PRDM16: variants seen among roughly 807,000 people sequenced by gnomAD.
PRDM16 encodes histone-lysine N-methyltransferase PRDM16.
PRDM16 carries 23 observed loss-of-function variants against 110.6 expected under a neutral mutation model. That is an observed-to-expected ratio of 0.21 (90% confidence interval 0.15 to 0.29). PRDM16 has a LOEUF of 0.29. PRDM16 is among the 10% of genes least tolerant of loss of function. The pLI, the probability that PRDM16 is intolerant of heterozygous loss-of-function variation, is 1.00. For missense variants in PRDM16, 1,615 were observed against 1,794.3 expected, an observed-to-expected ratio of 0.90 and a Z score of 1.81; for synonymous variants, 799 against 781.8, an observed-to-expected ratio of 1.02 and a Z score of -0.37.
At chr1:3,421,933 CAGACAGACAGGCAGGCGGACAGACAGGA>C (rs1365159946) in intron 12 of PRDM16, among the ~76,000 whole-genome samples, 6 of 53,464 alleles carry the variant, frequency 1.1e-4, no homozygotes, top group Admixed American at 5.9e-4. Flanking sequence ...GACAGGCAGG[CAGACAGACAGGCAGGCGGACAGACAGGA>C]AGACAGACAG....
intron 3 of PRDM16, among the ~76,000 whole-genome samples, chr1:3,332,303 C>T (rs1340304329): frequency 1.3e-5 from 2 of 151,976 alleles, no homozygotes; most frequent in Non-Finnish European, 2.9e-5. Context: ...AATTGTTTCT[C>T]ATACGTTTCA....
At chr1:3,142,282 T>C (rs1367816417) in intron 1 of PRDM16, among the ~76,000 whole-genome samples, 1 of 152,224 alleles carries the variant, frequency 6.6e-6, no homozygotes, top group Non-Finnish European at 1.5e-5. Context: ...TGGAGCAGAT[T>C]TGCAAAATCG....
At chr1:3,423,346 G>A (rs184655268) in intron 12 of PRDM16, among the ~76,000 whole-genome samples, 22 of 152,312 alleles carry the variant, frequency 1.4e-4, no homozygotes, top group African/African-American at 4.3e-4. Context: ...TCCTGGGCCC[G>A]GCAGCAGCAC....
chr1:3,396,723 C>T, intron 5 of PRDM16, 130 bp downstream of exon 5: 1 of 594,794 alleles, frequency 1.7e-6, no homozygotes, highest in East Asian at 2.8e-5. Flanking sequence ...CAGGCGGCCC[C>T]CAAGTGCTAG....
In PRDM16 at chr1:3,081,168, T is replaced by C. The variant is rs2100577691; in HGVS notation, c.37+11872T>C. On this transcript the variant is annotated intron_variant, in intron 1 of 16. Coordinates refer to ENST00000270722, the MANE Select transcript of PRDM16 (RefSeq NM_022114.4). The surrounding 1 kb of genome is among the most constrained non-coding windows in gnomAD (Gnocchi z 4.6). ...GGTGTTAGTCTTACCTTCCCGAGGT[T>C]AGATAAAGCCGCTAAAAGCTGCTGT... Among the ~76,000 whole-genome samples, 1 of 152,310 alleles carries C rather than the reference T, an allele frequency of 6.6e-6. No homozygotes were observed. The highest frequency in any genetic ancestry group is 2.4e-5 in the African/African-American group (1 of 41,570).
chr1:3,091,370 G>C (rs548491754), intron 1 of PRDM16, among the ~76,000 whole-genome samples: 3 of 152,310 alleles, frequency 2.0e-5, no homozygotes, highest in Non-Finnish European at 4.4e-5. Context: ...CCCGCACCGA[G>C]ACGACAGCAT....
intron 1 of PRDM16, among the ~76,000 whole-genome samples, chr1:3,071,019 T>TGGG (rs2100511057): frequency 6.6e-6 from 1 of 152,266 alleles, no homozygotes; most frequent in African/African-American, 2.4e-5. Flanking sequence ...CCTCCGCGCG[T>TGGG]GGGGTGTGCG....
Position 3,404,883 on chromosome 1 carries a change from G to A in PRDM16, c.1029G>A (p.Val343=). Residue 343 remains valine (V), a synonymous_variant, in exon 7 of 17, where the codon GTG becomes GTA. Transcript: ENST00000270722. Reference sequence around the variant, plus strand: ...AACGCTTCGAATGTGAAAACTGCGTGAAGGTAACCTGCGGGGCGGCCCCGT... The same window carrying A: ...AACGCTTCGAATGTGAAAACTGCGTAAAGGTAACCTGCGGGGCGGCCCCGT... The part of the protein sequence containing the change: ...SGKRFECENC[V]KVFTDPSNLQ... The A allele has an allele frequency of 6.2e-7, 1 of 1,612,836 alleles. No individual in the cohort carries two copies. Among genetic ancestry groups the A allele is most frequent in the Non-Finnish European group, 8.5e-7 (1 of 1,179,876 alleles).
At chr1:3,182,715 C>T (rs1451924473) in intron 1 of PRDM16, among the ~76,000 whole-genome samples, 1 of 152,190 alleles carries the variant, frequency 6.6e-6, no homozygotes, top group African/African-American at 2.4e-5. Context: ...CTTCACCTCC[C>T]TTACCTGTAT....
chr1:3,091,924 C>T (rs898052146), intron 1 of PRDM16, among the ~76,000 whole-genome samples: 7 of 152,202 alleles, frequency 4.6e-5, no homozygotes, highest in Non-Finnish European at 8.8e-5. Context: ...GAATTCACAT[C>T]GCAGAACCTG....
At chr1:3,368,211 ACATT>A (rs1642849448) in intron 3 of PRDM16, among the ~76,000 whole-genome samples, 1 of 152,200 alleles carries the variant, frequency 6.6e-6, no homozygotes, top group African/African-American at 2.4e-5. Context: ...CAGGCACCTG[ACATT>A]CATTAGGAGG....
At position 3,116,472 on chromosome 1, in the gene PRDM16, C is replaced by T. The variant is rs542074325; in HGVS notation, c.37+47176C>T. 4.6e-3 allele frequency among the ~76,000 whole-genome samples: 695 copies of T among 152,222 alleles called. 2 individuals are homozygous for T. Among genetic ancestry groups the T allele is most frequent in the Non-Finnish European group, 5.7e-3 (388 of 68,008 alleles). ...CAAGATGGCAGCCCAGCCTGGATGCCCAGACCCCATTCCCAAGCCGCAGGT... is the reference window on the plus strand; with the variant it reads ...CAAGATGGCAGCCCAGCCTGGATGCTCAGACCCCATTCCCAAGCCGCAGGT... On this transcript the variant is annotated intron_variant, in intron 1 of 16. Coordinates refer to ENST00000270722, the MANE Select transcript of PRDM16 (RefSeq NM_022114.4).
intron 5 of PRDM16, among the ~76,000 whole-genome samples, chr1:3,398,815 G>C (rs1166853658): frequency 1.3e-5 from 2 of 152,252 alleles, no homozygotes; most frequent in African/African-American, 4.8e-5. Context: ...ACCCCTGCCA[G>C]ATGAAGAGAG....
chr1:3,135,031 C>T (rs747618680), intron 1 of PRDM16, among the ~76,000 whole-genome samples: 4 of 152,094 alleles, frequency 2.6e-5, no homozygotes, highest in Non-Finnish European at 4.4e-5. Flanking sequence ...CTGCTGCCCC[C>T]GGGTCAGGGG....
intron 3 of PRDM16, chr1:3,310,038 C>CAG (rs1641412159): frequency 6.6e-6 from 1 of 152,216 alleles, no homozygotes; most frequent in Non-Finnish European, 1.5e-5. Flanking sequence ...GCATGCCTTC[C>CAG]TGGGTGCAGC....
intron 1 of PRDM16, among the ~76,000 whole-genome samples, chr1:3,146,269 G>A (rs922112264): frequency 6.6e-6 from 1 of 151,760 alleles, no homozygotes; most frequent in Non-Finnish European, 1.5e-5. Context: ...CATCTGGGGT[G>A]GGGGGGGCCT....
chr1:3,388,037 C>T (rs1309147177), intron 4 of PRDM16, among the ~76,000 whole-genome samples: 1 of 152,258 alleles, frequency 6.6e-6, no homozygotes, highest in Non-Finnish European at 1.5e-5. Context: ...TCCTGCAAAG[C>T]AACCTATTTG....
chr1:3,193,087 G>T (rs761633388), intron 2 of PRDM16, among the ~76,000 whole-genome samples: 1 of 151,518 alleles, frequency 6.6e-6, no homozygotes, highest in East Asian at 1.9e-4. Flanking sequence ...CTGAGCAGAC[G>T]CAGCGGCCAG....
intron 3 of PRDM16, among the ~76,000 whole-genome samples, chr1:3,340,754 T>A (rs542036328): frequency 3.2e-4 from 48 of 152,320 alleles, no homozygotes; most frequent in African/African-American, 1.1e-3. Context: ...GTAAAGGCCA[T>A]CTAGATGAAC....
Sources: allele counts gnomAD v4.1 joint callset (sites outside exome capture counted in the v4.1 genomes callset), GRCh38; gene constraint gnomAD v4.1.1; non-coding constraint Gnocchi (gnomAD v3.1); transcripts MANE v1.5; gene names NCBI Gene and HGNC (gene_info 2026-07-23, HGNC 2026-07-21).